PUM2: variants seen among roughly 807,000 people sequenced by gnomAD.
PUM2 encodes pumilio homolog 2.
In PUM2, 57 loss-of-function variants were observed where a neutral mutation model predicts 124.5. The ratio of observed to expected loss-of-function variants is 0.46; its 90% CI spans 0.37 to 0.57. The LOEUF is 0.57. Ranked by LOEUF, PUM2 falls within the 20% of genes least tolerant of loss-of-function variation. The pLI is 0.00. For synonymous variants in PUM2, 460 were observed against 446.1 expected, an observed-to-expected ratio of 1.03 and a Z score of -0.39; for missense variants, 1,065 against 1,290.6, an observed-to-expected ratio of 0.83 and a Z score of 2.68.
At chr2:20,276,030 T>C (rs554128933) in intron 13 of PUM2, among the ~76,000 whole-genome samples, 1 of 152,168 alleles carries the variant, frequency 6.6e-6, no homozygotes, top group South Asian at 2.1e-4. Context: ...GAACCTCAGA[T>C]ATTATACTAT....
At chr2:20,328,238 A>G (rs1459778050) in intron 1 of PUM2, among the ~76,000 whole-genome samples, 1 of 152,192 alleles carries the variant, frequency 6.6e-6, no homozygotes, top group African/African-American at 2.4e-5. Context: ...CGGGTGGCAG[A>G]AGAATTGCTT....
In PUM2 at chr2:20,255,270, T is replaced by C. The variant is rs1167516313; in HGVS notation, c.2694A>G (p.Glu898=). 4 of 1,607,316 alleles carry C rather than the reference T, an allele frequency of 2.5e-6. No individual in the cohort carries two copies. The highest frequency in any genetic ancestry group is 3.4e-6 in the Non-Finnish European group (4 of 1,173,850). The change falls in exon 18 of 21, where the codon GAA becomes GAG. Residue 898 remains glutamate (E), a synonymous_variant. Coordinates refer to ENST00000361078, the MANE Select transcript of PUM2 (RefSeq NM_015317.5). ...IQRILEHCTA[E]QTLPILEELH... ...GTTCTTCTAAGATAGGTAAGGTCTG[T>C]TCTGCAGTGCAATGCTCTAGGATGC...
chr2:20,319,310 A>T (rs1435400905), intron 2 of PUM2, among the ~76,000 whole-genome samples: 1 of 152,228 alleles, frequency 6.6e-6, no homozygotes, highest in African/African-American at 2.4e-5. Flanking sequence ...ATATTCATTC[A>T]TATCTCCCTA....
intron 20 of PUM2, among the ~76,000 whole-genome samples, 161 bp downstream of exon 20, chr2:20,253,661 T>A (rs549138579): frequency 6.6e-6 from 1 of 152,182 alleles, no homozygotes; most frequent in East Asian, 1.9e-4. Flanking sequence ...ACCTTAAGCA[T>A]AAAAATGGAA....
chr2:20,336,748 CTGTGTGTGTG>C (rs70939037), intron 1 of PUM2, among the ~76,000 whole-genome samples: 9,362 of 97,308 alleles, frequency 0.096, 551 homozygotes, highest in African/African-American at 0.14. Flanking sequence ...CCAGGCTGAT[CTGTGTGTGTG>C]TGTGTGTGTG....
chr2:20,333,420 G>C (rs1685324829), intron 1 of PUM2, among the ~76,000 whole-genome samples: 7 of 151,918 alleles, frequency 4.6e-5, no homozygotes, highest in Admixed American at 3.3e-4. Context: ...TGTGGTCTCA[G>C]CTACCCGAGA....
Position 20,294,357 on chromosome 2 carries a change from T to C in PUM2, c.1152+19A>G, listed in dbSNP as rs1443145773. On this transcript the variant is annotated intron_variant, in intron 9 of 20. Coordinates refer to ENST00000361078, the MANE Select transcript of PUM2 (RefSeq NM_015317.5). Reference sequence around the variant, plus strand: ...ATTTCAAAGAATACTTGGTATTACTTAATAGAAGGAAGGCCTACCTGTTGC... The same window carrying C: ...ATTTCAAAGAATACTTGGTATTACTCAATAGAAGGAAGGCCTACCTGTTGC... The C allele has an allele frequency of 2.5e-6, 4 of 1,611,454 alleles. No individual in the cohort carries two copies. The highest frequency in any genetic ancestry group is 1.7e-4 in the Middle Eastern group (1 of 5,924).
chr2:20,312,927 G>C (rs141226278), intron 3 of PUM2, among the ~76,000 whole-genome samples: 139 of 152,222 alleles, frequency 9.1e-4, no homozygotes, highest in African/African-American at 3.1e-3. Context: ...ATAGCCACCT[G>C]ATCTTTGACA....
intron 13 of PUM2, among the ~76,000 whole-genome samples, chr2:20,273,596 C>T (rs1180678053): frequency 6.6e-6 from 1 of 152,166 alleles, no homozygotes; most frequent in Non-Finnish European, 1.5e-5. Flanking sequence ...TTCTTCCATA[C>T]AACTAGTAAC....
At chr2:20,271,975 AT>A (rs1669115630) in intron 13 of PUM2, among the ~76,000 whole-genome samples, 1 of 152,138 alleles carries the variant, frequency 6.6e-6, no homozygotes, top group Non-Finnish European at 1.5e-5. Context: ...CCTGACCAAC[AT>A]GGTGAAAACC....
upstream of PUM2, chr2:20,352,204 GAC>G (rs1468960236): frequency 6.6e-6 from 1 of 152,234 alleles, no homozygotes; most frequent in African/African-American, 2.4e-5. Context: ...TAATTCTGGA[GAC>G]AGTCTTCCTC....
rs567349051 is a variant in PUM2 at position 20,348,551 on chromosome 2, T to A, written c.-19+2046A>T. Among the ~76,000 whole-genome samples, 4 of 152,338 alleles carry A rather than the reference T, an allele frequency of 2.6e-5. No homozygotes were observed. The South Asian group carries it at 8.3e-4, about 32-fold the overall frequency. On this transcript the variant is annotated intron_variant, in intron 1 of 20. Coordinates refer to ENST00000361078, the MANE Select transcript of PUM2 (RefSeq NM_015317.5). ...GAAAATTGGCTGTGGATTTCACACCTGGCCCAAATCTCTGGTCATAATTAC... is the reference window on the plus strand; with the variant it reads ...GAAAATTGGCTGTGGATTTCACACCAGGCCCAAATCTCTGGTCATAATTAC...
At position 20,254,979 on chromosome 2, in the gene PUM2, C is replaced by T. The variant is rs754497575; in HGVS notation, c.2754G>A (p.Gln918=). 1 of 1,612,470 alleles carries T rather than the reference C, an allele frequency of 6.2e-7. No homozygotes were observed. The highest frequency in any genetic ancestry group is 1.3e-5 in the African/African-American group (1 of 74,950). The change falls in exon 19 of 21, where the codon CAG becomes CAA. Residue 918 remains glutamine, a synonymous_variant. Transcript: ENST00000361078. ...CATGCTGAATAACATAATTGCCATA[C>T]TGATCCTAAGACAGATATTTAAAAA... is the stretch of plus-strand genomic sequence containing the variant. ...HQHTEQLVQD[Q]YGNYVIQHVL...
At chr2:20,253,632 C>T (rs1029854348) in intron 20 of PUM2, among the ~76,000 whole-genome samples, 190 bp downstream of exon 20, 3 of 152,006 alleles carry the variant, frequency 2.0e-5, no homozygotes, top group African/African-American at 7.2e-5. Flanking sequence ...GGCAAAAGCC[C>T]CCATGCCTGG....
intron 20 of PUM2, among the ~76,000 whole-genome samples, chr2:20,253,278 C>T (rs79045377): frequency 0.014 from 2,186 of 152,208 alleles, 65 homozygotes; most frequent in African/African-American, 0.049. Flanking sequence ...TGAACACAGC[C>T]CACTGTAGCC....
intron 7 of PUM2, among the ~76,000 whole-genome samples, chr2:20,305,463 G>GGAAA (rs1491350409): frequency 4.3e-5 from 2 of 46,140 alleles, no homozygotes; most frequent in African/African-American, 1.9e-4. Flanking sequence ...CCCTGTCTTC[G>GGAAA]AAAAAAAAAA....
chr2:20,292,181 G>A (rs974338510), intron 9 of PUM2, among the ~76,000 whole-genome samples: 1 of 151,488 alleles, frequency 6.6e-6, no homozygotes, highest in Non-Finnish European at 1.5e-5. Flanking sequence ...TTGCCCGGGA[G>A]GTGGCCAAAA....
chr2:20,264,367 AATATATATATATATAT>A lies in PUM2; in HGVS notation c.1958-923_1958-908del, dbSNP rs1553362304. Among the ~76,000 whole-genome samples, 10 of 26,614 alleles carry A rather than the reference AATATATATATATATAT, an allele frequency of 3.8e-4. No homozygotes were observed. In the East Asian group the frequency reaches 9.2e-3, roughly 24 times the overall value. 17.5% of individuals were successfully genotyped at this position (26,614 alleles called of 152,430 possible). On this transcript the variant is annotated intron_variant, in intron 13 of 20. Coordinates refer to ENST00000361078, the MANE Select transcript of PUM2 (RefSeq NM_015317.5). ...AAAAAAAAAAAAAAAAAAAAAAAAA[AATATATATATATATAT>A]ATATATATATATATTTGACATAAAT...
In PUM2 at chr2:20,254,412, C is replaced by T. The variant is rs115685358; in HGVS notation, c.2871-398G>A. ...TCGACTGATCCTCCTGCCTTGATCTCCCAAAGTGCTGGCTGGGATTACACG... is the reference window on the plus strand; with the variant it reads ...TCGACTGATCCTCCTGCCTTGATCTTCCAAAGTGCTGGCTGGGATTACACG... On this transcript the variant is annotated intron_variant, in intron 19 of 20. Coordinates refer to ENST00000361078, the MANE Select transcript of PUM2 (RefSeq NM_015317.5). Among the ~76,000 whole-genome samples the T allele has an allele frequency of 5.1e-3, 779 of 152,256 alleles. 3 individuals are homozygous for T. The highest frequency in any genetic ancestry group is 0.018 in the African/African-American group (727 of 41,532).
Sources: allele counts gnomAD v4.1 joint callset (sites outside exome capture counted in the v4.1 genomes callset), GRCh38; gene constraint gnomAD v4.1.1; transcripts MANE v1.5; gene names NCBI Gene and HGNC (gene_info 2026-07-23, HGNC 2026-07-21).